Variants in MUC17 observed in about 807,000 individuals in gnomAD.
MUC17 encodes mucin-17.
MUC17 carries 190 observed loss-of-function variants against 170.3 expected under a neutral mutation model. That is an observed-to-expected ratio of 1.12 (90% CI 0.99 to 1.26). The LOEUF is 1.26. Among genes scored for constraint, MUC17 ranks in the 50% most tolerant of loss-of-function variants. The pLI is 0.00. For synonymous variants in MUC17, 2,325 were observed against 2,002.5 expected, an observed-to-expected ratio of 1.16 and a Z score of -4.30; for missense variants, 6,415 against 5,530.0, an observed-to-expected ratio of 1.16 and a Z score of -5.08.
At chr7:101,045,498 A>G (rs1794824087) in intron 3 of MUC17, among the ~76,000 whole-genome samples, 1 of 151,638 alleles carries the variant, frequency 6.6e-6, no homozygotes, top group African/African-American at 2.4e-5. Flanking sequence ...GGTTCAAGTG[A>G]TTCTCTCACC....
rs561785807 is a variant in MUC17 at position 101,035,201 on chromosome 7, C to T, written c.3785C>T (p.Thr1262Ile). 4 of 1,610,218 alleles carry T rather than the reference C, an allele frequency of 2.5e-6. No individual in the cohort carries two copies. Among genetic ancestry groups the T allele is most frequent in the South Asian group, 2.2e-5 (2 of 90,564 alleles). Residue 1262 changes from threonine to isoleucine, a missense_variant, in exon 3 of 13, where the codon ACC becomes ATC. Transcript: ENST00000306151. ...TSAETSSSPTTAEGTSLPTST... is the reference protein window; with the variant it reads ...TSAETSSSPTIAEGTSLPTST... The stretch of plus-strand genomic sequence containing the variant: ...GCTGAAACCAGTTCCTCTCCTACAA[C>T]CGCTGAAGGTACCAGCTTGCCAACC...
In MUC17 at chr7:101,035,816, T is replaced by A; in HGVS notation, c.4400T>A (p.Val1467Glu). ...AGTATACCTGTCAGCAACACGCCGG[T>A]GGCCAATTCTGAGGCTAGCACCCTT... ...LKSIPVSNTP[V>E]ANSEASTLST... The change falls in exon 3 of 13, where the codon GTG becomes GAG. Residue 1467 changes from valine (V) to glutamate (E), a missense_variant. Val to Glu is a moderately radical substitution (Grantham distance 121). Coordinates refer to ENST00000306151, the MANE Select transcript of MUC17 (RefSeq NM_001040105.2). The A allele has an allele frequency of 6.2e-7, 1 of 1,602,554 alleles. No homozygotes were observed. Among genetic ancestry groups the A allele is most frequent in the Non-Finnish European group, 8.5e-7 (1 of 1,173,764 alleles).
chr7:101,039,958 AG>A lies in MUC17; in HGVS notation c.8543del (p.Ser2848IlefsTer24). On this transcript the variant is annotated frameshift_variant, in exon 3 of 13. Coordinates refer to ENST00000306151, the MANE Select transcript of MUC17 (RefSeq NM_001040105.2). LOFTEE classifies it high-confidence loss of function. ...ACCTGTGACCACTTCTACTAAAGCCAGTTCATCTCCTACAACTGCTGAAGGT... is the reference window on the plus strand; with the variant it reads ...ACCTGTGACCACTTCTACTAAAGCCATTCATCTCCTACAACTGCTGAAGGT... ...STPVTTSTKASSSPTTAEGIV... is the reference protein window; with the variant it reads ...STPVTTSTKAXSSPTTAEGIV... 2 of 1,613,492 alleles carry A rather than the reference AG, an allele frequency of 1.2e-6. No homozygotes were observed. Among genetic ancestry groups the A allele is most frequent in the East Asian group, 4.5e-5 (2 of 44,854 alleles).
rs764935591 is a variant in MUC17, at chr7:101,037,436, C to A, written c.6020C>A (p.Thr2007Lys). ...AGTTCTGAGGCTAGCACTCTTTCCA[C>A]AACTCCTGTTGACACCAGCACTCCT... ...VVSSEASTLS[T>K]TPVDTSTPAT... Residue 2007 changes from threonine to lysine, a missense_variant, in exon 3 of 13, where the codon ACA becomes AAA. Transcript: ENST00000306151. 1.9e-6 allele frequency: 3 copies of A among 1,610,924 alleles called. No individual in the cohort carries two copies. The highest frequency in any genetic ancestry group is 2.7e-5 in the African/African-American group (2 of 74,836).
chr7:101,031,037 G>T, intron 1 of MUC17, 83 bp from the exon 2 acceptor site: 1 of 1,469,256 alleles, frequency 6.8e-7, no homozygotes, highest in South Asian at 1.5e-5. Flanking sequence ...ACTTTCCAGG[G>T]CAGGGAGTAG....
chr7:101,050,088 AC>A (rs1363459008), intron 6 of MUC17, among the ~76,000 whole-genome samples: 2 of 152,178 alleles, frequency 1.3e-5, no homozygotes, highest in East Asian at 3.9e-4. Flanking sequence ...CCAGGATCGC[AC>A]CATTGCTCTC....
Position 101,041,251 on chromosome 7 carries a change from G to C in MUC17, c.9835G>C (p.Gly3279Arg). 1 of 1,611,486 alleles carries C rather than the reference G, an allele frequency of 6.2e-7. No homozygotes were observed. The highest frequency in any genetic ancestry group is 8.5e-7 in the Non-Finnish European group (1 of 1,178,382). Reference protein sequence around the residue: ...TSMPTSTPSEGSTPLTSMPVS... With the variant: ...TSMPTSTPSERSTPLTSMPVS... ...CATGCCAACCTCAACTCCTAGTGAA[G>C]GAAGCACTCCATTAACAAGTATGCC... is the stretch of plus-strand genomic sequence containing the variant. The change falls in exon 3 of 13, where the codon GGA (glycine) becomes CGA (arginine). Residue 3279 changes from glycine (G) to arginine (R), a missense_variant. Gly to Arg is a moderately radical substitution (Grantham distance 125, BLOSUM62 -2). Transcript: ENST00000306151.
rs757294503 is a variant in MUC17, at chr7:101,035,954, G to A, written c.4538G>A (p.Ser1513Asn). The change falls in exon 3 of 13, where the codon AGC (serine) becomes AAC (asparagine). Residue 1513 changes from serine (S) to asparagine (N), a missense_variant. Ser to Asn is a conservative substitution (Grantham distance 46). Coordinates refer to ENST00000306151, the MANE Select transcript of MUC17 (RefSeq NM_001040105.2). The stretch of plus-strand genomic sequence containing the variant: ...GCAATCTCAACGCCTAGTGAAGGAA[G>A]CACTGCATTAACAAGTATACCTGTC... The part of the protein sequence containing the change: ...SIAISTPSEG[S>N]TALTSIPVST... 2.6e-6 allele frequency: 4 copies of A among 1,560,086 alleles called. No homozygotes were observed. The Admixed American group carries it at 5.3e-5, about 21-fold the overall frequency.
At chr7:101,052,096 G>C (rs1300209730) in intron 9 of MUC17, 134 bp downstream of exon 9, 3 of 1,072,566 alleles carry the variant, frequency 2.8e-6, no homozygotes, top group Non-Finnish European at 4.0e-6. Flanking sequence ...AATGTGTCCA[G>C]CTGCAGAGGA....
Position 101,038,904 on chromosome 7 carries a change from T to C in MUC17, c.7488T>C (p.Ser2496=). 1 of 1,614,016 alleles carries C rather than the reference T, an allele frequency of 6.2e-7. No individual in the cohort carries two copies. Among genetic ancestry groups the C allele is most frequent in the Non-Finnish European group, 8.5e-7 (1 of 1,179,998 alleles). ...CCACTTCTACTGAAGCCAGTTCATC[T>C]CCTACAACTGCTGAAGATATCGTCG... The part of the protein sequence containing the change: ...PMTTSTEASS[S]PTTAEDIVVP... The change falls in exon 3 of 13, where the codon TCT becomes TCC. Residue 2496 remains serine, a synonymous_variant. Transcript: ENST00000306151.
In MUC17 at chr7:101,040,854, T is replaced by C; in HGVS notation, c.9438T>C (p.Pro3146=). 6.2e-7 allele frequency: 1 copy of C among 1,612,718 alleles called. No homozygotes were observed. Among genetic ancestry groups the C allele is most frequent in the Non-Finnish European group, 8.5e-7 (1 of 1,179,672 alleles). Residue 3146 remains proline, a synonymous_variant, in exon 3 of 13, where the codon CCT becomes CCC. Transcript: ENST00000306151. ...VTTSTEAHSS[P]TTSEGTSMPT... is the part of the protein sequence containing the mutation. Reference sequence around the variant, plus strand: ...CTTCTACTGAAGCCCATTCATCTCCTACAACTTCTGAAGGTACCAGCATGC... The same window carrying C: ...CTTCTACTGAAGCCCATTCATCTCCCACAACTTCTGAAGGTACCAGCATGC...
Position 101,034,349 on chromosome 7 carries a change from C to T in MUC17, c.2933C>T (p.Pro978Leu), listed in dbSNP as rs78990442. The T allele has an allele frequency of 0.1, 155,385 of 1,528,416 alleles. No homozygotes were observed. The highest frequency in any genetic ancestry group is 0.25 in the African/African-American group (17,379 of 70,216). 94.7% of individuals were successfully genotyped at this position (1,528,416 alleles called of 1,614,324 possible). The change falls in exon 3 of 13, where the codon CCT becomes CTT. Residue 978 changes from proline to leucine, a missense_variant. Pro to Leu is a moderately conservative substitution (Grantham distance 98, BLOSUM62 -3). Coordinates refer to ENST00000306151, the MANE Select transcript of MUC17 (RefSeq NM_001040105.2). Reference protein sequence around the residue: ...AEGTSIPTSTPSEGTTPLTST... With the variant: ...AEGTSIPTSTLSEGTTPLTST... ...GGTACCAGCATACCAACCTCGACTCCTAGTGAAGGAACGACTCCATTAACA... is the reference window on the plus strand; with the variant it reads ...GGTACCAGCATACCAACCTCGACTCTTAGTGAAGGAACGACTCCATTAACA...
At chr7:101,031,269 G>A (rs758208731) in intron 2 of MUC17, 48 bp downstream of exon 2, 18 of 1,585,760 alleles carry the variant, frequency 1.1e-5, no homozygotes, top group African/African-American at 8.1e-5. Context: ...GCTCACCTGC[G>A]AAAGGGCTAG....
chr7:101,041,258 C>G lies in MUC17; in HGVS notation c.9842C>G (p.Thr3281Ser), dbSNP rs949782021. Reference sequence around the variant, plus strand: ...ACCTCAACTCCTAGTGAAGGAAGCACTCCATTAACAAGTATGCCTGTCAGC... The same window carrying G: ...ACCTCAACTCCTAGTGAAGGAAGCAGTCCATTAACAAGTATGCCTGTCAGC... ...MPTSTPSEGS[T>S]PLTSMPVSTT... Residue 3281 changes from threonine to serine, a missense_variant, in exon 3 of 13, where the codon ACT (threonine) becomes AGT (serine). Physicochemically the swap from Thr to Ser is moderately conservative, Grantham distance 58. Transcript: ENST00000306151. 18 of 1,611,400 alleles carry G rather than the reference C, an allele frequency of 1.1e-5. 1 individual carries two copies. In the Admixed American group the frequency reaches 1.5e-4, roughly 13 times the overall value.
At position 101,043,610 on chromosome 7, in the gene MUC17, C is replaced by CA; in HGVS notation, c.12195dup (p.Phe4066IlefsTer22). The CA allele has an allele frequency of 1.9e-6, 3 of 1,614,184 alleles. No homozygotes were observed. The highest frequency in any genetic ancestry group is 2.5e-6 in the Non-Finnish European group (3 of 1,180,032). On this transcript the variant is annotated frameshift_variant, in exon 3 of 13. Coordinates refer to ENST00000306151, the MANE Select transcript of MUC17 (RefSeq NM_001040105.2). LOFTEE classifies it high-confidence loss of function. ...ATTACTTCTCACACCATCCCACCTA[C>CA]ATTTCCTCCTGCTCACTCCAGTACA...
At chr7:101,028,537 A>G (rs1432087921) in intron 1 of MUC17, among the ~76,000 whole-genome samples, 1 of 151,674 alleles carries the variant, frequency 6.6e-6, no homozygotes, top group Non-Finnish European at 1.5e-5. Flanking sequence ...TTATATACAC[A>G]TTTTTCCATG....
chr7:101,028,779 T>C (rs574052879), intron 1 of MUC17, among the ~76,000 whole-genome samples: 44 of 152,220 alleles, frequency 2.9e-4, no homozygotes, highest in East Asian at 1.4e-3. Context: ...TGCCAGCTAC[T>C]CAGGAGGCTG....
rs1305960432 is a variant in MUC17, at chr7:101,036,525, C to A, written c.5109C>A (p.Ala1703=). 6.8e-6 allele frequency: 11 copies of A among 1,610,666 alleles called. No homozygotes were observed. In the East Asian group the frequency reaches 2.5e-4, roughly 36 times the overall value. Reference sequence around the variant, plus strand: ...TAACTGTCAGAACAACACCGGTGGCCAGCTCTGCAATCAGCACCCTTTCAA... The same window carrying A: ...TAACTGTCAGAACAACACCGGTGGCAAGCTCTGCAATCAGCACCCTTTCAA... The part of the protein sequence containing the change: ...TSITVRTTPV[A]SSAISTLSTT... Residue 1703 remains alanine, a synonymous_variant, in exon 3 of 13, where the codon GCC becomes GCA. Coordinates refer to ENST00000306151, the MANE Select transcript of MUC17 (RefSeq NM_001040105.2).
chr7:101,041,069 G>A lies in MUC17; in HGVS notation c.9653G>A (p.Ser3218Asn). Residue 3218 changes from serine (S) to asparagine (N), a missense_variant, in exon 3 of 13, where the codon AGT becomes AAT. Coordinates refer to ENST00000306151, the MANE Select transcript of MUC17 (RefSeq NM_001040105.2). Reference sequence around the variant, plus strand: ...ACCAGCATTCCAACCTCAACTCCTAGTGAAGGAATGACTCCATTAACTAGT... The same window carrying A: ...ACCAGCATTCCAACCTCAACTCCTAATGAAGGAATGACTCCATTAACTAGT... ...EGTSIPTSTP[S>N]EGMTPLTSVP... 6.2e-7 allele frequency: 1 copy of A among 1,613,758 alleles called. No homozygotes were observed. The highest frequency in any genetic ancestry group is 8.5e-7 in the Non-Finnish European group (1 of 1,179,972).
Sources: gnomAD v4.1 joint callset for allele counts (sites outside exome capture counted in the v4.1 genomes callset) on GRCh38, gnomAD v4.1.1 for gene constraint, MANE v1.5 for transcripts, NCBI Gene and HGNC (gene_info 2026-07-23, HGNC 2026-07-21) for gene names.